The following ANKS1B variants were observed in gnomAD, a reference collection of about 807,000 sequenced individuals.
ANKS1B encodes the protein ankyrin repeat and sterile alpha motif domain-containing protein 1B.
Under a neutral mutation model 148.3 loss-of-function variants are expected in ANKS1B, and 36 were observed. The ratio of observed to expected loss-of-function variants is 0.24; its 90% confidence interval spans 0.19 to 0.32. The LOEUF is 0.32. Among genes scored for constraint, ANKS1B ranks in the 10% least tolerant of loss-of-function variants. The probability of loss-of-function intolerance (pLI) is 1.00; values close to 1 mark genes in which losing one functional copy is unlikely to be tolerated. For synonymous variants in ANKS1B, 542 were observed against 560.8 expected (o/e 0.97, Z 0.47); for missense variants, 1,157 against 1,542.6 (o/e 0.75, Z 4.19).
At chr12:99,885,817 A>G (rs760002816) in intron 1 of ANKS1B, among the ~76,000 whole-genome samples, 8 of 152,056 alleles carry the variant, frequency 5.3e-5, no homozygotes, top group Non-Finnish European at 1.2e-4. Flanking sequence ...TTGCACGCCC[A>G]TAGCTTAGCT....
intron 17 of ANKS1B, among the ~76,000 whole-genome samples, chr12:99,016,900 G>T (rs1323117285): frequency 6.6e-5 from 10 of 152,172 alleles, no homozygotes; most frequent in Admixed American, 6.5e-4. Context: ...CTGTAGGGTT[G>T]CAGGTACTTT....
rs2098975786 is a variant in ANKS1B, at chr12:98,798,864, T to G, written c.3342+70A>C. 6.6e-5 allele frequency: 85 copies of G among 1,292,656 alleles called. 1 individual carries two copies. In the South Asian group the frequency reaches 1.1e-3, roughly 17 times the overall value. 80.1% of individuals were successfully genotyped at this position (1,292,656 alleles called of 1,614,324 possible). On this transcript the variant is annotated intron_variant, in intron 22 of 26. Coordinates refer to ENST00000683438, the MANE Select transcript of ANKS1B (RefSeq NM_001352186.2). ...ATGGAGAAAATAGTAATTTGAAAGG[T>G]GGCAATTTGTATCCATACCCAGTAT...
At chr12:99,612,526 T>C (rs2097911536) in intron 9 of ANKS1B, among the ~76,000 whole-genome samples, 1 of 152,138 alleles carries the variant, frequency 6.6e-6, no homozygotes, top group Non-Finnish European at 1.5e-5. Flanking sequence ...ATAGGTTGGA[T>C]TCGAATCCTC....
chr12:99,098,971 T>A (rs2057176308), intron 15 of ANKS1B, among the ~76,000 whole-genome samples: 1 of 152,156 alleles, frequency 6.6e-6, no homozygotes, highest in Non-Finnish European at 1.5e-5. Flanking sequence ...TGCGCTGGGC[T>A]TGGCACCTTA....
At chr12:98,791,382 G>A (rs1337656514) in intron 22 of ANKS1B, among the ~76,000 whole-genome samples, 2 of 151,922 alleles carry the variant, frequency 1.3e-5, no homozygotes, top group Non-Finnish European at 2.9e-5. Context: ...ATGTGAGCAA[G>A]GATCAGCAAT....
intron 15 of ANKS1B, among the ~76,000 whole-genome samples, chr12:99,090,326 T>G (rs2053604675): frequency 6.6e-6 from 1 of 152,308 alleles, no homozygotes; most frequent in East Asian, 1.9e-4. Context: ...TCATATTATA[T>G]ATTGTAGAAA....
intron 16 of ANKS1B, among the ~76,000 whole-genome samples, chr12:99,058,984 G>A (rs554919383): frequency 6.7e-6 from 1 of 150,024 alleles, no homozygotes; most frequent in Admixed American, 6.6e-5. Flanking sequence ...TGATCCGCCC[G>A]CCTCGGCCTC....
At chr12:99,463,952 C>CGCA (rs1207010647) in intron 10 of ANKS1B, among the ~76,000 whole-genome samples, 12 of 152,176 alleles carry the variant, frequency 7.9e-5, no homozygotes, top group Admixed American at 7.9e-4. Flanking sequence ...TCTCCCAGCA[C>CGCA]GCAGCTGCAG....
chr12:99,023,558 T>C (rs1335969239), intron 17 of ANKS1B, among the ~76,000 whole-genome samples: 1 of 152,066 alleles, frequency 6.6e-6, no homozygotes, highest in Non-Finnish European at 1.5e-5. Context: ...ATATTCTCTT[T>C]GTCTTTGATG....
intron 17 of ANKS1B, among the ~76,000 whole-genome samples, chr12:98,962,804 A>G (rs2099873825): frequency 6.6e-6 from 1 of 152,244 alleles, no homozygotes; most frequent in African/African-American, 2.4e-5. Context: ...TTTGGAAAAT[A>G]TAAAAACACA....
chr12:98,899,378 T>G (rs1026898925), intron 17 of ANKS1B, among the ~76,000 whole-genome samples: 2 of 152,236 alleles, frequency 1.3e-5, no homozygotes, highest in Non-Finnish European at 2.9e-5. Context: ...TACCACACAT[T>G]GGTAATATCA....
chr12:99,450,528 TG>T (rs942760496), intron 10 of ANKS1B, among the ~76,000 whole-genome samples: 9 of 152,170 alleles, frequency 5.9e-5, no homozygotes, highest in Non-Finnish European at 2.9e-5. Flanking sequence ...GCTTCTTGAA[TG>T]TTTTTTTTCT....
intron 17 of ANKS1B, among the ~76,000 whole-genome samples, chr12:98,913,547 G>A (rs908017218): frequency 1.3e-5 from 2 of 152,146 alleles, no homozygotes; most frequent in Non-Finnish European, 1.5e-5. Flanking sequence ...CACTTCCTCA[G>A]TGTACATCTC....
intron 9 of ANKS1B, among the ~76,000 whole-genome samples, chr12:99,623,959 G>GA (rs2153380982): frequency 6.6e-6 from 1 of 152,018 alleles, no homozygotes; most frequent in South Asian, 2.1e-4. Context: ...GCAATCCTAA[G>GA]AAAAAAGAAC....
At chr12:98,832,195 T>C (rs2099323222) in intron 17 of ANKS1B, 59 bp from the exon 18 acceptor site, 18 of 1,316,216 alleles carry the variant, frequency 1.4e-5, no homozygotes, top group Non-Finnish European at 1.8e-5. Flanking sequence ...TTTTTATATG[T>C]CCTAAAACAT....
intron 1 of ANKS1B, among the ~76,000 whole-genome samples, chr12:99,857,122 T>C (rs1461065290): frequency 6.6e-6 from 1 of 152,134 alleles, no homozygotes; most frequent in Non-Finnish European, 1.5e-5. Context: ...CATGATTGTA[T>C]ACCTAGAAAA....
intron 17 of ANKS1B, among the ~76,000 whole-genome samples, chr12:98,855,015 C>T (rs1367436528): frequency 9.2e-5 from 14 of 151,850 alleles, no homozygotes; most frequent in East Asian, 3.9e-4. Flanking sequence ...AAAAATTAGC[C>T]GGGCGCGGTG....
chr12:98,926,393 T>A (rs968770680), intron 17 of ANKS1B, among the ~76,000 whole-genome samples: 2 of 152,240 alleles, frequency 1.3e-5, no homozygotes, highest in South Asian at 4.1e-4. Flanking sequence ...ATAAAGGGCA[T>A]CAACAACAGA....
chr12:99,041,599 C>T (rs2099959016), intron 17 of ANKS1B, among the ~76,000 whole-genome samples: 1 of 152,068 alleles, frequency 6.6e-6, no homozygotes, highest in South Asian at 2.1e-4. Flanking sequence ...CCCCATTGAT[C>T]ATCTTAGATT....
Sources: gnomAD v4.1 joint callset for allele counts (sites outside exome capture counted in the v4.1 genomes callset) on GRCh38, gnomAD v4.1.1 for gene constraint, MANE v1.5 for transcripts, NCBI Gene and HGNC (gene_info 2026-07-23, HGNC 2026-07-21) for gene names.